SLIT3: variants seen among roughly 807,000 people sequenced by gnomAD.
SLIT3 encodes the protein slit homolog 3 protein.
SLIT3 carries 68 observed loss-of-function variants against 184.0 expected under a neutral mutation model. That is an observed-to-expected ratio of 0.37 (90% CI 0.30 to 0.45). SLIT3 has a LOEUF of 0.45. Among genes scored for constraint, SLIT3 ranks in the 20% least tolerant of loss-of-function variants. The probability of loss-of-function intolerance (pLI) is 1.00; values close to 1 mark genes in which losing one functional copy is unlikely to be tolerated. For missense variants in SLIT3, 1,707 were observed against 2,026.0 expected, an observed-to-expected ratio of 0.84 and a Z score of 3.02; for synonymous variants, 831 against 828.6, an observed-to-expected ratio of 1.00 and a Z score of -0.05.
chr5:168,843,331 A>G (rs1758334694), intron 6 of SLIT3, among the ~76,000 whole-genome samples: 1 of 152,210 alleles, frequency 6.6e-6, no homozygotes, highest in Admixed American at 6.5e-5. Context: ...TCTCTCACAT[A>G]CAAAGGAATG....
intron 23 of SLIT3, among the ~76,000 whole-genome samples, chr5:168,719,300 T>A (rs1363784415): frequency 6.6e-6 from 1 of 152,206 alleles, no homozygotes; most frequent in Non-Finnish European, 1.5e-5. Context: ...GATCCACCCG[T>A]CTTGGCCTCC....
Position 169,242,686 on chromosome 5 carries a change from C to T in SLIT3, c.341+2019G>A, listed in dbSNP as rs141590487. Among the ~76,000 whole-genome samples, 15 of 152,272 alleles carry T rather than the reference C, an allele frequency of 9.9e-5. No individual in the cohort carries two copies. In the East Asian group the frequency reaches 1.5e-3, roughly 16 times the overall value. On this transcript the variant is annotated intron_variant, in intron 3 of 35. Transcript: ENST00000519560. ...ATTGGGTTTTACATGAATAAGTAAA[C>T]GTCCACTGTGTTAAGTCACTGAGAT...
At chr5:168,983,311 A>G (rs1755014011) in intron 4 of SLIT3, among the ~76,000 whole-genome samples, 2 of 152,248 alleles carry the variant, frequency 1.3e-5, no homozygotes, top group South Asian at 2.1e-4. Context: ...GATCACCTAA[A>G]GCCAGGGATT....
chr5:168,903,652 G>A (rs989481174), intron 4 of SLIT3, among the ~76,000 whole-genome samples: 3 of 152,072 alleles, frequency 2.0e-5, no homozygotes, highest in Admixed American at 6.5e-5. Context: ...ATGCATGGCT[G>A]GAACACAAAG....
intron 4 of SLIT3, among the ~76,000 whole-genome samples, chr5:169,179,281 T>C (rs887116347): frequency 1.5e-4 from 20 of 133,288 alleles, no homozygotes; most frequent in African/African-American, 2.8e-4. Flanking sequence ...TTTTTCTTTT[T>C]TTTTTTTTTT....
chr5:169,132,334 C>A, intron 4 of SLIT3, among the ~76,000 whole-genome samples: 1 of 152,122 alleles, frequency 6.6e-6, no homozygotes, highest in South Asian at 2.1e-4. Context: ...AAAAAGAAGG[C>A]ATGCCAAGTC....
intron 4 of SLIT3, among the ~76,000 whole-genome samples, chr5:169,043,404 G>A (rs62379488): frequency 0.038 from 5,776 of 152,304 alleles, 147 homozygotes; most frequent in Middle Eastern, 0.058. Flanking sequence ...TAGTTTCACT[G>A]TTTGATGCAG....
rs772052301 is a variant in SLIT3, at chr5:168,806,585, G to A, written c.796C>T (p.Pro266Ser). 3 of 1,614,138 alleles carry A rather than the reference G, an allele frequency of 1.9e-6. No individual in the cohort carries two copies. Among genetic ancestry groups the A allele is most frequent in the Non-Finnish European group, 2.5e-6 (3 of 1,180,004 alleles). The part of the protein sequence containing the change: ...VQKKEYVCPA[P>S]HSEPPSCNAN... ...TTGCAGGATGGGGGCTCCGAGTGGG[G>A]GGCTGTGGAGCCAAGACACAACGGT... The change falls in exon 9 of 36, where the codon CCC (proline) becomes TCC (serine). Residue 266 changes from proline to serine, a missense_variant and splice_region_variant. Coordinates refer to ENST00000519560, the MANE Select transcript of SLIT3 (RefSeq NM_003062.4).
At chr5:168,907,916 A>AT (rs1761112062) in intron 4 of SLIT3, among the ~76,000 whole-genome samples, 1 of 125,326 alleles carries the variant, frequency 8.0e-6, no homozygotes, top group African/African-American at 2.7e-5. Flanking sequence ...AGATCTATCT[A>AT]TATCTATTTT....
intron 11 of SLIT3, among the ~76,000 whole-genome samples, chr5:168,789,290 G>A (rs1325145774): frequency 2.6e-5 from 4 of 151,822 alleles, no homozygotes; most frequent in Non-Finnish European, 5.9e-5. Flanking sequence ...GGGACGTGAG[G>A]TTGGAGTAGA....
intron 20 of SLIT3, among the ~76,000 whole-genome samples, chr5:168,729,346 GA>G (rs1279403190): frequency 2.0e-5 from 3 of 152,046 alleles, no homozygotes; most frequent in African/African-American, 7.2e-5. Context: ...ATTATATTCA[GA>G]ATGTTTAATA....
chr5:168,862,659 T>TTTTG (rs972031899), intron 5 of SLIT3, among the ~76,000 whole-genome samples: 3 of 149,492 alleles, frequency 2.0e-5, no homozygotes, highest in African/African-American at 7.7e-5. Context: ...ACATTGGTTT[T>TTTTG]TTTGTTTGTT....
intron 4 of SLIT3, among the ~76,000 whole-genome samples, chr5:169,178,125 A>G (rs1162403387): frequency 6.6e-6 from 1 of 152,230 alleles, no homozygotes; most frequent in East Asian, 1.9e-4. Context: ...CACCAGTATC[A>G]TCAACATCCT....
intron 35 of SLIT3, among the ~76,000 whole-genome samples, chr5:168,668,408 G>T (rs1761123019): frequency 6.6e-6 from 1 of 152,138 alleles, no homozygotes; most frequent in Non-Finnish European, 1.5e-5. Flanking sequence ...AGTGGCTAGG[G>T]TTTCATTAGT....
In SLIT3 at chr5:169,300,567, T is replaced by A. The variant is rs1306299141; in HGVS notation, c.143A>T (p.His48Leu). 4.6e-6 allele frequency: 7 copies of A among 1,511,302 alleles called. No individual in the cohort carries two copies. The highest frequency in any genetic ancestry group is 6.2e-6 in the Non-Finnish European group (7 of 1,133,356). The allele number at this position is 1,511,302 out of a possible 1,614,324, so 93.6% of individuals were successfully genotyped here. Reference sequence around the variant, plus strand: ...AGGAACCGCGCGGAGGCCCAGCCCGTGGCAGTCCACGCTGGCAGCGGAGCA... The same window carrying A: ...AGGAACCGCGCGGAGGCCCAGCCCGAGGCAGTCCACGCTGGCAGCGGAGCA... ...CTCSAASVDCHGLGLRAVPRG... is the reference protein window; with the variant it reads ...CTCSAASVDCLGLGLRAVPRG... The change falls in exon 1 of 36, where the codon CAC becomes CTC. Residue 48 changes from histidine to leucine, a missense_variant. By Grantham distance (99) the His-to-Leu change is moderately conservative. Transcript: ENST00000519560. This position sits in a 1 kb window ranked among gnomAD's most constrained non-coding sequence, Gnocchi z 4.1.
chr5:169,132,239 G>A (rs1043647643), intron 4 of SLIT3, among the ~76,000 whole-genome samples: 1 of 152,180 alleles, frequency 6.6e-6, no homozygotes, highest in African/African-American at 2.4e-5. Context: ...GCTGAAGAGA[G>A]CCAAGTGAAA....
At chr5:169,097,407 GAA>G (rs747167296) in intron 4 of SLIT3, among the ~76,000 whole-genome samples, 25 of 151,890 alleles carry the variant, frequency 1.6e-4, no homozygotes, top group African/African-American at 5.8e-4. Context: ...AGGAAGGAAG[GAA>G]AAAAGGAGGA....
intron 4 of SLIT3, among the ~76,000 whole-genome samples, chr5:168,990,966 TG>T (rs977198145): frequency 6.6e-6 from 1 of 152,192 alleles, no homozygotes; most frequent in African/African-American, 2.4e-5. Context: ...CTGCTTTCAT[TG>T]GGCCACTGTC....
At chr5:169,190,604 T>G (rs534536774) in intron 4 of SLIT3, among the ~76,000 whole-genome samples, 1 of 152,214 alleles carries the variant, frequency 6.6e-6, no homozygotes. Flanking sequence ...TTCCAAGAGA[T>G]AGTCTTCAGA....
Sources: gnomAD v4.1 joint callset for allele counts (sites outside exome capture counted in the v4.1 genomes callset) on GRCh38, gnomAD v4.1.1 for gene constraint, Gnocchi (gnomAD v3.1) non-coding constraint, MANE v1.5 for transcripts, NCBI Gene and HGNC (gene_info 2026-07-23, HGNC 2026-07-21) for gene names.